Variants in ADGB observed in about 807,000 individuals in gnomAD.
The protein encoded by ADGB is androglobin.
In ADGB, 172 loss-of-function variants were observed where a neutral mutation model predicts 210.5. The ratio of observed to expected loss-of-function variants is 0.82; its 90% CI spans 0.72 to 0.93. ADGB has a LOEUF of 0.93. Ranked by LOEUF, ADGB falls within the 40% of genes least tolerant of loss-of-function variation. The pLI is 0.00. For missense variants in ADGB, 2,025 were observed against 1,964.8 expected, an observed-to-expected ratio of 1.03 and a Z score of -0.58; for synonymous variants, 658 against 662.7, an observed-to-expected ratio of 0.99 and a Z score of 0.11.
At chr6:146,645,087 C>A (rs1426040651) in intron 3 of ADGB, among the ~76,000 whole-genome samples, 1 of 151,830 alleles carries the variant, frequency 6.6e-6, no homozygotes, top group African/African-American at 2.4e-5. Flanking sequence ...TTGTTTAGAA[C>A]CTTGATTTTT....
intron 33 of ADGB, among the ~76,000 whole-genome samples, chr6:146,798,616 G>A (rs899358869): frequency 1.3e-5 from 2 of 149,360 alleles, no homozygotes; most frequent in Non-Finnish European, 1.5e-5. Context: ...TCTTAGAAAC[G>A]AAGAAGTAAA....
intron 32 of ADGB, among the ~76,000 whole-genome samples, chr6:146,787,587 G>A (rs1777891716): frequency 6.6e-6 from 1 of 151,808 alleles, no homozygotes; most frequent in African/African-American, 2.4e-5. Context: ...AATATTTTTA[G>A]GGAATCGACT....
At chr6:146,768,976 A>G (rs890081949) in intron 28 of ADGB, 44 bp from the exon 29 acceptor site, 1 of 1,026,844 alleles carries the variant, frequency 9.7e-7, no homozygotes, top group Non-Finnish European at 1.4e-6. Context: ...GGCACATACC[A>G]TGTATGTTCT....
At chr6:146,609,974 AC>A (rs1780683686) in intron 1 of ADGB, among the ~76,000 whole-genome samples, 1 of 152,084 alleles carries the variant, frequency 6.6e-6, no homozygotes, top group African/African-American at 2.4e-5. Flanking sequence ...GAATTTGGTG[AC>A]TATATAACTT....
intron 13 of ADGB, among the ~76,000 whole-genome samples, chr6:146,712,930 G>A (rs1332776061): frequency 6.6e-6 from 1 of 151,086 alleles, no homozygotes; most frequent in Non-Finnish European, 1.5e-5. Context: ...CCCAGCCCAT[G>A]AAAACCACCA....
Position 146,726,164 on chromosome 6 carries a change from G to A in ADGB, c.2319G>A (p.Gly773=), listed in dbSNP as rs946047713. ...HICSMVSFVI[G]DEHVVLPNFE... Reference sequence around the variant, plus strand: ...GCAGCATGGTGTCATTTGTCATTGGGGATGAACACGTTGTACTGCCCAACT... The same window carrying A: ...GCAGCATGGTGTCATTTGTCATTGGAGATGAACACGTTGTACTGCCCAACT... Residue 773 remains glycine (G), a synonymous_variant, in exon 19 of 36, where the codon GGG becomes GGA. Coordinates refer to ENST00000397944, the MANE Select transcript of ADGB (RefSeq NM_024694.4). The A allele has an allele frequency of 3.9e-6, 6 of 1,549,562 alleles. No individual in the cohort carries two copies. Among genetic ancestry groups the A allele is most frequent in the South Asian group, 1.2e-5 (1 of 83,952 alleles).
chr6:146,736,137 T>C (rs1050591355), intron 22 of ADGB, among the ~76,000 whole-genome samples: 11 of 152,244 alleles, frequency 7.2e-5, no homozygotes, highest in Admixed American at 3.9e-4. Context: ...TTAGCCATTT[T>C]TCTTTACAAA....
At chr6:146,742,358 AT>A (rs541138821) in intron 25 of ADGB, among the ~76,000 whole-genome samples, 1 of 151,760 alleles carries the variant, frequency 6.6e-6, no homozygotes, top group Non-Finnish European at 1.5e-5. Context: ...AATAAGACAG[AT>A]TTTTTATATT....
intron 22 of ADGB, among the ~76,000 whole-genome samples, chr6:146,734,765 C>G (rs1365145829): frequency 6.6e-6 from 1 of 151,912 alleles, no homozygotes; most frequent in African/African-American, 2.4e-5. Context: ...TAAAAATTAG[C>G]CAGGCATGGT....
intron 16 of ADGB, among the ~76,000 whole-genome samples, chr6:146,720,920 A>C (rs1776803281): frequency 6.6e-6 from 1 of 152,180 alleles, no homozygotes; most frequent in African/African-American, 2.4e-5. Flanking sequence ...AAACCACGAC[A>C]GGTATATATC....
chr6:146,805,443 A>G (rs370049365), intron 35 of ADGB, among the ~76,000 whole-genome samples: 89 of 152,364 alleles, frequency 5.8e-4, no homozygotes, highest in African/African-American at 1.9e-3. Context: ...GAAGATAACC[A>G]GCAATATTTT....
At chr6:146,622,527 T>C (rs1780909978) in intron 1 of ADGB, among the ~76,000 whole-genome samples, 1 of 152,132 alleles carries the variant, frequency 6.6e-6, no homozygotes, top group African/African-American at 2.4e-5. Flanking sequence ...GAGGGGCCAT[T>C]TTAGATACTC....
intron 29 of ADGB, among the ~76,000 whole-genome samples, chr6:146,777,140 A>G (rs1345930563): frequency 6.6e-6 from 1 of 152,038 alleles, no homozygotes; most frequent in African/African-American, 2.4e-5. Flanking sequence ...ATTTACAATT[A>G]CTATTTTACA....
chr6:146,680,641 A>G (rs1186883436), intron 9 of ADGB, among the ~76,000 whole-genome samples: 1 of 152,198 alleles, frequency 6.6e-6, no homozygotes. Flanking sequence ...GAAGTTAGCC[A>G]TGTACTCAGT....
intron 1 of ADGB, among the ~76,000 whole-genome samples, chr6:146,632,906 A>C (rs1248906355): frequency 6.6e-6 from 1 of 152,112 alleles, no homozygotes; most frequent in African/African-American, 2.4e-5. Context: ...AGCTGTTAGC[A>C]TCCCTGGGTG....
At chr6:146,702,675 C>T (rs1776507138) in intron 13 of ADGB, among the ~76,000 whole-genome samples, 1 of 151,888 alleles carries the variant, frequency 6.6e-6, no homozygotes, top group Non-Finnish European at 1.5e-5. Context: ...TAATTCCAAT[C>T]TACACCTAAA....
intron 18 of ADGB, chr6:146,725,754 AG>A (rs1776885888): frequency 5.2e-6 from 1 of 191,268 alleles, no homozygotes; most frequent in Non-Finnish European, 1.1e-5. Context: ...TACCTGCTTG[AG>A]TTTTTCTTGT....
chr6:146,613,950 C>T (rs978076215), intron 1 of ADGB, among the ~76,000 whole-genome samples: 26 of 151,808 alleles, frequency 1.7e-4, no homozygotes, highest in Admixed American at 2.6e-4. Context: ...TTTCACCTTT[C>T]GCAACTCCAG....
chr6:146,749,170 AT>A (rs1222130512), intron 26 of ADGB, among the ~76,000 whole-genome samples: 1 of 152,140 alleles, frequency 6.6e-6, no homozygotes, highest in African/African-American at 2.4e-5. Context: ...TGTTTGGATG[AT>A]GTCATTTACT....
Sources: gnomAD v4.1 joint callset for allele counts (sites outside exome capture counted in the v4.1 genomes callset) on GRCh38, gnomAD v4.1.1 for gene constraint, MANE v1.5 for transcripts, NCBI Gene and HGNC (gene_info 2026-07-23, HGNC 2026-07-21) for gene names.